Variants in RTL4 observed in about 807,000 individuals in gnomAD.
RTL4 encodes the protein retrotransposon Gag like 4.
A neutral mutation model predicts 5.3 loss-of-function variants in RTL4; 4 were observed. The observed-to-expected ratio is 0.75, with a 90% CI of 0.37 to 1.72. The LOEUF (loss-of-function observed/expected upper bound fraction) is 1.72, where lower values mean the gene tolerates loss of function less well. Ranked by LOEUF, RTL4 falls within the 40% of genes most tolerant of loss-of-function variation. The pLI is 0.04. For missense variants in RTL4, 260 were observed against 227.1 expected, an observed-to-expected ratio of 1.14 and a Z score of -0.93; for synonymous variants, 98 against 87.3, an observed-to-expected ratio of 1.12 and a Z score of -0.68.
At chrX:112,339,508 A>C in the RTL4 span, among the ~76,000 whole-genome samples, 2 of 112,149 alleles carry the variant, frequency 1.8e-5, no homozygotes, top group South Asian at 7.4e-4. Context: ...GTTCATAATA[A>C]AGAACAAATG....
chrX:112,318,890 G>A, the RTL4 span, among the ~76,000 whole-genome samples: 1 of 111,832 alleles, frequency 8.9e-6, no homozygotes, highest in Non-Finnish European at 1.9e-5. Flanking sequence ...CCTATAAATA[G>A]AGAACAGAAT....
the RTL4 span, among the ~76,000 whole-genome samples, chrX:112,439,427 TAC>T: frequency 8.9e-6 from 1 of 111,822 alleles, no homozygotes; most frequent in East Asian, 2.8e-4. Flanking sequence ...CTCCTTGAAT[TAC>T]ACAGAGTCCA....
chrX:112,381,213 C>T, the RTL4 span, among the ~76,000 whole-genome samples: 1 of 111,494 alleles, frequency 9.0e-6, no homozygotes, highest in South Asian at 3.8e-4. Flanking sequence ...CAGTCACCCT[C>T]AGTGAACTTC....
chrX:112,169,053 T>TTTCTTTCTTTCTTTCTTTCTTCTTTC, the RTL4 span, among the ~76,000 whole-genome samples: 2 of 37,223 alleles, frequency 5.4e-5, no homozygotes, highest in Non-Finnish European at 1.1e-4. Context: ...TCTTTCTTTC[T>TTTCTTTCTTTCTTTCTTTCTTCTTTC]TTCTTTCTTT....
the RTL4 span, among the ~76,000 whole-genome samples, chrX:112,435,982 C>T: frequency 9.0e-6 from 1 of 111,552 alleles, no homozygotes; most frequent in Non-Finnish European, 1.9e-5. Context: ...TCCGGGAGGC[C>T]GAGGCGGGCA....
chrX:112,095,351 A>T, the RTL4 span, among the ~76,000 whole-genome samples: 14,257 of 111,218 alleles, frequency 0.13, 898 homozygotes, highest in Non-Finnish European at 0.19. Flanking sequence ...TGAGAGAGCA[A>T]GCTAAGTAAA....
At chrX:112,083,319 C>A in the RTL4 span, among the ~76,000 whole-genome samples, 165 of 112,629 alleles carry the variant, frequency 1.5e-3, 3 homozygotes, top group East Asian at 0.043. Flanking sequence ...CTTTGCCCAC[C>A]CCCGTCAGCC....
the RTL4 span, among the ~76,000 whole-genome samples, chrX:112,158,397 TG>T: frequency 2.7e-5 from 3 of 110,192 alleles, no homozygotes; most frequent in African/African-American, 9.9e-5. Flanking sequence ...GAGAGACGAC[TG>T]CTATCCAGGT....
the RTL4 span, among the ~76,000 whole-genome samples, chrX:112,252,238 G>C: frequency 3.6e-5 from 4 of 111,953 alleles, no homozygotes; most frequent in African/African-American, 1.3e-4. Flanking sequence ...AAAAGTAAGC[G>C]ATTGAAAAAA....
At chrX:112,354,441 C>T in the RTL4 span, among the ~76,000 whole-genome samples, 12 of 111,452 alleles carry the variant, frequency 1.1e-4, no homozygotes, top group African/African-American at 3.3e-4. Context: ...ATTAGTGCCA[C>T]GTAACTTTTT....
At chrX:112,303,788 TA>T in the RTL4 span, among the ~76,000 whole-genome samples, 152 of 105,697 alleles carry the variant, frequency 1.4e-3, no homozygotes, top group African/African-American at 3.4e-3. Flanking sequence ...AAAAAGAATT[TA>T]AAAAAAAAAG....
chrX:112,441,134 A>G, the RTL4 span, among the ~76,000 whole-genome samples: 19 of 111,416 alleles, frequency 1.7e-4, no homozygotes, highest in African/African-American at 5.9e-4. Context: ...AAACATTCCC[A>G]TGAAGCGTTA....
chrX:112,246,332 T>C, the RTL4 span, among the ~76,000 whole-genome samples: 47 of 111,791 alleles, frequency 4.2e-4, no homozygotes, highest in African/African-American at 1.5e-3. Context: ...AGGTGGAGTC[T>C]ACAGAGGCAG....
chrX:112,274,736 G>A, the RTL4 span, among the ~76,000 whole-genome samples: 1 of 111,557 alleles, frequency 9.0e-6, no homozygotes, highest in Non-Finnish European at 1.9e-5. Flanking sequence ...TTTCCACATG[G>A]TCTTGACTTA....
the RTL4 span, among the ~76,000 whole-genome samples, chrX:112,175,897 G>A: frequency 1.5e-3 from 171 of 110,940 alleles, 1 homozygote; most frequent in African/African-American, 5.5e-3. Context: ...GGCAGGAGAA[G>A]GAAATAAAGG....
At chrX:112,357,815 T>C in the RTL4 span, among the ~76,000 whole-genome samples, 2 of 111,913 alleles carry the variant, frequency 1.8e-5, no homozygotes, top group East Asian at 5.7e-4. Flanking sequence ...AAAGTGCTTT[T>C]ACTGGACAGG....
At chrX:112,297,455 G>A in the RTL4 span, among the ~76,000 whole-genome samples, 1 of 111,089 alleles carries the variant, frequency 9.0e-6, no homozygotes, top group Non-Finnish European at 1.9e-5. Context: ...AGAGCAAAGG[G>A]GAAGGTGCTA....
chrX:112,180,735 T>C, the RTL4 span, among the ~76,000 whole-genome samples: 2 of 112,263 alleles, frequency 1.8e-5, no homozygotes, highest in Non-Finnish European at 3.8e-5. Flanking sequence ...GTTTTACAGT[T>C]ATCTGATTCA....
chrX:112,176,466 A>G, the RTL4 span, among the ~76,000 whole-genome samples: 1 of 111,888 alleles, frequency 8.9e-6, no homozygotes, highest in East Asian at 2.8e-4. Flanking sequence ...CCTGGGGTAG[A>G]AGCCACATTC....
Sources: allele counts gnomAD v4.1 joint callset (sites outside exome capture counted in the v4.1 genomes callset), GRCh38; gene constraint gnomAD v4.1.1; transcripts MANE v1.5; gene names NCBI Gene and HGNC (gene_info 2026-07-23, HGNC 2026-07-21).